Variants in ATP13A5 observed in about 807,000 individuals in gnomAD.
The protein encoded by ATP13A5 is probable cation-transporting ATPase 13A5.
ATP13A5 carries 149 observed loss-of-function variants against 150.2 expected under a neutral mutation model. The ratio of observed to expected loss-of-function variants is 0.99; its 90% CI spans 0.87 to 1.14. The LOEUF (loss-of-function observed/expected upper bound fraction) is 1.14, where lower values mean the gene tolerates loss of function less well. Ranked by LOEUF, ATP13A5 falls within the 50% of genes most tolerant of loss-of-function variation. ATP13A5 has a pLI of 0.00. For synonymous variants in ATP13A5, 497 were observed against 522.2 expected, an observed-to-expected ratio of 0.95 and a Z score of 0.66; for missense variants, 1,383 against 1,449.3, an observed-to-expected ratio of 0.95 and a Z score of 0.74.
At chr3:193,334,311 C>T (rs1045165932) in intron 10 of ATP13A5, among the ~76,000 whole-genome samples, 1 of 152,126 alleles carries the variant, frequency 6.6e-6, no homozygotes, top group Non-Finnish European at 1.5e-5. Flanking sequence ...CATAGGAGGC[C>T]TTCATTGTGT....
At chr3:193,325,995 G>A (rs1219975743) in intron 13 of ATP13A5, among the ~76,000 whole-genome samples, 1 of 152,176 alleles carries the variant, frequency 6.6e-6, no homozygotes, top group Admixed American at 6.5e-5. Context: ...CAGGAGCAGA[G>A]ACACATCAGT....
At chr3:193,334,825 C>T in intron 10 of ATP13A5, 104 bp downstream of exon 10, 2 of 1,023,394 alleles carry the variant, frequency 2.0e-6, no homozygotes, top group South Asian at 1.7e-5. Context: ...CATGTTGTTA[C>T]TACCAGAATG....
chr3:193,278,151 T>C (rs923429894), intron 28 of ATP13A5, among the ~76,000 whole-genome samples: 1 of 152,202 alleles, frequency 6.6e-6, no homozygotes, highest in African/African-American at 2.4e-5. Context: ...GCTTCTAAAC[T>C]ACTTGAGAGC....
intron 7 of ATP13A5, among the ~76,000 whole-genome samples, chr3:193,350,597 T>C (rs907140430): frequency 2.0e-5 from 3 of 152,138 alleles, no homozygotes; most frequent in African/African-American, 7.2e-5. Context: ...ACATAGACAT[T>C]ATAAAGGACT....
chr3:193,349,487 G>A (rs61475139), intron 7 of ATP13A5, among the ~76,000 whole-genome samples: 82,102 of 136,862 alleles, frequency 0.6, 22,428 homozygotes, highest in Middle Eastern at 0.66. Context: ...ATAAAGGAAA[G>A]CAGAAATATA....
At chr3:193,316,802 A>T (rs1044414371) in intron 17 of ATP13A5, among the ~76,000 whole-genome samples, 3 of 152,112 alleles carry the variant, frequency 2.0e-5, no homozygotes, top group African/African-American at 7.2e-5. Context: ...TTGCTGTGCA[A>T]AACTTTTCAG....
At chr3:193,329,066 G>A (rs919501712) in intron 12 of ATP13A5, among the ~76,000 whole-genome samples, 10 of 151,890 alleles carry the variant, frequency 6.6e-5, no homozygotes, top group Admixed American at 5.9e-4. Context: ...CTAACATGTT[G>A]AAACCCCGTC....
chr3:193,354,340 C>T lies in ATP13A5; in HGVS notation c.537-144G>A, dbSNP rs79314190. ...AAATAATGTGCAAGTTCTTTTGAAA[C>T]GTAATTCTAAACTACTATTTTTGAA... is the stretch of plus-strand genomic sequence containing the variant. On this transcript the variant is annotated intron_variant, in intron 5 of 29. Coordinates refer to ENST00000342358, the MANE Select transcript of ATP13A5 (RefSeq NM_198505.4). The T allele has an allele frequency of 1.8e-3, 1,208 of 683,250 alleles. 12 individuals are homozygous for T. The African/African-American group carries it at 0.019, about 11-fold the overall frequency. 42.3% of individuals were successfully genotyped at this position (683,250 alleles called of 1,614,324 possible). A position where few individuals can be genotyped will look rare whatever the true frequency, so the allele number is the denominator to read the frequency against.
At chr3:193,331,097 T>C in intron 12 of ATP13A5, 26 bp downstream of exon 12, 2 of 1,604,496 alleles carry the variant, frequency 1.2e-6, no homozygotes, top group Middle Eastern at 3.3e-4. Context: ...ATCATTAACA[T>C]TAAACCTGAG....
In ATP13A5 at chr3:193,347,754, G is replaced by A. The variant is rs566771192; in HGVS notation, c.742-2679C>T. Among the ~76,000 whole-genome samples, 3 of 152,188 alleles carry A rather than the reference G, an allele frequency of 2.0e-5. No individual in the cohort carries two copies. In the South Asian group the frequency reaches 6.2e-4, roughly 32 times the overall value. ...GCTAGTCCCTAGGACGTCCACTCCG[G>A]TTTTCTACTAGCAAACTCTTTCTAA... On this transcript the variant is annotated intron_variant, in intron 7 of 29. Coordinates refer to ENST00000342358, the MANE Select transcript of ATP13A5 (RefSeq NM_198505.4).
intron 23 of ATP13A5, among the ~76,000 whole-genome samples, chr3:193,303,900 T>TACACAC (rs199888384): frequency 8.9e-5 from 13 of 145,680 alleles, no homozygotes; most frequent in South Asian, 2.2e-4. Context: ...TACATACACA[T>TACACAC]ACACACACAC....
At chr3:193,307,167 C>A in intron 22 of ATP13A5, 160 bp downstream of exon 22, 2 of 1,475,708 alleles carry the variant, frequency 1.4e-6, no homozygotes, top group South Asian at 1.4e-5. Flanking sequence ...CTTTACTCCC[C>A]TCCGCTTCCA....
intron 6 of ATP13A5, among the ~76,000 whole-genome samples, chr3:193,353,007 C>T (rs1712624794): frequency 1.3e-5 from 2 of 151,896 alleles, no homozygotes; most frequent in African/African-American, 4.8e-5. Context: ...AGAAATGAGG[C>T]ATATGGTGGA....
chr3:193,276,009 T>C (rs1249761162), intron 29 of ATP13A5, among the ~76,000 whole-genome samples: 1 of 152,194 alleles, frequency 6.6e-6, no homozygotes, highest in African/African-American at 2.4e-5. Flanking sequence ...TTGAATGTAA[T>C]ATTTTGCCAC....
chr3:193,287,432 G>T (rs1432139668), intron 26 of ATP13A5, among the ~76,000 whole-genome samples: 1 of 152,100 alleles, frequency 6.6e-6, no homozygotes, highest in Non-Finnish European at 1.5e-5. Context: ...TGATGCCAAT[G>T]CTCATTTGCT....
chr3:193,333,914 A>G lies in ATP13A5; in HGVS notation c.1115-7T>C, dbSNP rs754857256. 3 of 1,610,438 alleles carry G rather than the reference A, an allele frequency of 1.9e-6. No individual in the cohort carries two copies. The highest frequency in any genetic ancestry group is 3.4e-5 in the Admixed American group (2 of 59,578). Reference sequence around the variant, plus strand: ...CCTTTGGCTGTATTGTAACCTACATAAAGATAATCATAGATCAAGTAAGGC... The same window carrying G: ...CCTTTGGCTGTATTGTAACCTACATGAAGATAATCATAGATCAAGTAAGGC... On this transcript the variant is annotated splice_polypyrimidine_tract_variant and splice_region_variant and intron_variant, in intron 10 of 29. Transcript: ENST00000342358.
At chr3:193,303,282 A>C (rs1419867952) in intron 23 of ATP13A5, among the ~76,000 whole-genome samples, 1 of 152,074 alleles carries the variant, frequency 6.6e-6, no homozygotes, top group Non-Finnish European at 1.5e-5. Context: ...TGTTTACATA[A>C]GTCTCACCCA....
In ATP13A5 at chr3:193,372,059, G is replaced by A. The variant is rs550505336; in HGVS notation, c.63+6604C>T. On this transcript the variant is annotated intron_variant, in intron 1 of 29. Coordinates refer to ENST00000342358, the MANE Select transcript of ATP13A5 (RefSeq NM_198505.4). ...CTCACACCTGTAATCAGCACTTTGG[G>A]AGGCTGAGGCAGGCAGATCACGAGG... is the stretch of plus-strand genomic sequence containing the variant. Among the ~76,000 whole-genome samples, 3 of 152,046 alleles carry A rather than the reference G, an allele frequency of 2.0e-5. No homozygotes were observed. In the East Asian group the frequency reaches 5.8e-4, roughly 29 times the overall value.
chr3:193,310,594 C>T, intron 21 of ATP13A5, 44 bp downstream of exon 21: 1 of 1,455,110 alleles, frequency 6.9e-7, no homozygotes. Flanking sequence ...CCATAGGTAG[C>T]AAGAGTTAAT....
Sources: gnomAD v4.1 joint callset for allele counts (sites outside exome capture counted in the v4.1 genomes callset) on GRCh38, gnomAD v4.1.1 for gene constraint, MANE v1.5 for transcripts, NCBI Gene and HGNC (gene_info 2026-07-23, HGNC 2026-07-21) for gene names.